The following KPNA7 variants were observed in gnomAD, a reference collection of about 807,000 sequenced individuals.
KPNA7 encodes karyopherin subunit alpha 7, also known as importin subunit alpha-8.
In KPNA7, 54 loss-of-function variants were observed where a neutral mutation model predicts 53.7. The observed-to-expected ratio is 1.01, with a 90% CI of 0.81 to 1.26. The LOEUF (loss-of-function observed/expected upper bound fraction) is 1.26. KPNA7 is among the 50% of genes most tolerant of loss of function. The pLI is 0.00. For synonymous variants in KPNA7, 276 were observed against 259.3 expected (o/e 1.06, Z -0.62); for missense variants, 640 against 644.5 (o/e 0.99, Z 0.07).
chr7:99,185,320 T>G (rs373292564), intron 7 of KPNA7, among the ~76,000 whole-genome samples, 158 bp from the exon 8 acceptor site: 451 of 152,302 alleles, frequency 3.0e-3, no homozygotes, highest in African/African-American at 9.7e-3. Flanking sequence ...CATTATTCAA[T>G]TCATCCATGG....
At chr7:99,190,405 A>C (rs1172239686) in intron 6 of KPNA7, among the ~76,000 whole-genome samples, 2 of 151,956 alleles carry the variant, frequency 1.3e-5, no homozygotes, top group African/African-American at 4.8e-5. Context: ...TGTGACACCA[A>C]ACCTGGTTTT....
intron 10 of KPNA7, among the ~76,000 whole-genome samples, chr7:99,175,485 C>CTTTATTTATTTATTTA (rs113345297): frequency 6.9e-6 from 1 of 145,338 alleles, no homozygotes; most frequent in African/African-American, 2.6e-5. Flanking sequence ...GGCTTGAGAG[C>CTTTATTTATTTATTTA]TTTATTTATT....
chr7:99,216,288 C>T (rs1442720974), intron 1 of KPNA7, among the ~76,000 whole-genome samples: 3 of 152,126 alleles, frequency 2.0e-5, no homozygotes, highest in Non-Finnish European at 2.9e-5. Context: ...TTCAGCCTCC[C>T]AAAGTGCTTG....
intron 1 of KPNA7, among the ~76,000 whole-genome samples, chr7:99,213,783 T>C (rs1292955480): frequency 6.6e-6 from 1 of 152,080 alleles, no homozygotes; most frequent in Non-Finnish European, 1.5e-5. Flanking sequence ...GCTAATGTTT[T>C]CATTTTTCAG....
At chr7:99,175,541 A>G (rs1237968451) in intron 10 of KPNA7, among the ~76,000 whole-genome samples, 2 of 149,780 alleles carry the variant, frequency 1.3e-5, no homozygotes, top group Non-Finnish European at 3.0e-5. Context: ...TTGGAGATGG[A>G]GTTTTGCTCT....
intron 8 of KPNA7, among the ~76,000 whole-genome samples, chr7:99,182,478 G>A (rs2150718073): frequency 6.6e-6 from 1 of 152,186 alleles, no homozygotes; most frequent in African/African-American, 2.4e-5. Flanking sequence ...GGGATTACAG[G>A]CACTCACCAC....
chr7:99,217,241 C>T (rs972358647), intron 1 of KPNA7, among the ~76,000 whole-genome samples: 3 of 152,208 alleles, frequency 2.0e-5, no homozygotes, highest in African/African-American at 7.2e-5. Context: ...GCTGCAGCTG[C>T]ACAGGCACTG....
chr7:99,191,919 G>A (rs1034116776), intron 6 of KPNA7, among the ~76,000 whole-genome samples: 1 of 152,114 alleles, frequency 6.6e-6, no homozygotes, highest in Admixed American at 6.6e-5. Context: ...CAAATTGTTG[G>A]GATTACAGGT....
At chr7:99,166,590 C>T in the KPNA7 span, among the ~76,000 whole-genome samples, 927 of 152,134 alleles carry the variant, frequency 6.1e-3, 13 homozygotes, top group African/African-American at 0.022. Flanking sequence ...GCTGGGATTA[C>T]AGGTGTGAGC....
rs572103638 is a variant in KPNA7 at position 99,190,573 on chromosome 7, G to C, written c.637-2010C>G. ...AAGGGCCAGATCTTAAACATTTTTA[G>C]CCTGTGGCTTCTGTGGCAACAACAA... is the stretch of plus-strand genomic sequence containing the variant. On this transcript the variant is annotated intron_variant, in intron 6 of 10. Transcript: ENST00000327442. 2.0e-5 allele frequency among the ~76,000 whole-genome samples: 3 copies of C among 152,122 alleles called. No homozygotes were observed. The East Asian group carries it at 5.8e-4, about 29-fold the overall frequency.
chr7:99,216,447 G>A (rs1791218857), intron 1 of KPNA7, among the ~76,000 whole-genome samples: 1 of 152,192 alleles, frequency 6.6e-6, no homozygotes, highest in Non-Finnish European at 1.5e-5. Flanking sequence ...TCTCAGGCCA[G>A]CTCAGCTGCT....
chr7:99,193,211 G>A (rs1189632742), intron 5 of KPNA7, 110 bp from the exon 6 acceptor site: 13 of 623,864 alleles, frequency 2.1e-5, no homozygotes, highest in Admixed American at 7.4e-5. Flanking sequence ...ACTCATTCCC[G>A]GGTTTAGCAA....
chr7:99,175,528 A>G (rs1798870509), intron 10 of KPNA7, among the ~76,000 whole-genome samples: 2 of 148,574 alleles, frequency 1.3e-5, no homozygotes, highest in South Asian at 2.2e-4. Flanking sequence ...TTTATTATTT[A>G]TTTTGGAGAT....
At chr7:99,214,389 G>C (rs1791152499) in intron 1 of KPNA7, among the ~76,000 whole-genome samples, 1 of 151,252 alleles carries the variant, frequency 6.6e-6, no homozygotes, top group Non-Finnish European at 1.5e-5. Context: ...GTTACAGTGA[G>C]CTGAGATCGC....
intron 9 of KPNA7, among the ~76,000 whole-genome samples, chr7:99,178,363 G>C (rs1799000857): frequency 6.6e-6 from 1 of 152,092 alleles, no homozygotes; most frequent in Admixed American, 6.6e-5. Context: ...GAGGTCAGGA[G>C]TCTGAGACCA....
At chr7:99,168,444 C>A in the KPNA7 span, among the ~76,000 whole-genome samples, 1 of 152,168 alleles carries the variant, frequency 6.6e-6, no homozygotes, top group Non-Finnish European at 1.5e-5. Context: ...TGCTTCCAGA[C>A]CAGAAGGGTA....
chr7:99,148,842 T>TC, the KPNA7 span, among the ~76,000 whole-genome samples: 1 of 1,440 alleles, frequency 6.9e-4, no homozygotes, highest in Non-Finnish European at 1.3e-3. Flanking sequence ...TGCTTTAGCC[T>TC]CCCAAAAGGG....
chr7:99,182,868 C>A (rs2150719044), intron 8 of KPNA7, among the ~76,000 whole-genome samples: 1 of 152,186 alleles, frequency 6.6e-6, no homozygotes, highest in African/African-American at 2.4e-5. Flanking sequence ...TCTTTCTGAT[C>A]TAGTAAAGCT....
intron 5 of KPNA7, among the ~76,000 whole-genome samples, chr7:99,193,672 T>A (rs1004952228): frequency 1.6e-5 from 2 of 124,744 alleles, no homozygotes; most frequent in African/African-American, 6.0e-5. Context: ...AGCCTTTTAT[T>A]TTTTTTTTTT....
Sources: allele counts gnomAD v4.1 joint callset (sites outside exome capture counted in the v4.1 genomes callset), GRCh38; gene constraint gnomAD v4.1.1; transcripts MANE v1.5; gene names NCBI Gene and HGNC (gene_info 2026-07-23, HGNC 2026-07-21).